PAK3: variants seen among roughly 807,000 people sequenced by gnomAD.
PAK3 encodes the protein p21 (RAC1) activated kinase 3, also known as serine/threonine-protein kinase PAK 3.
PAK3 carries 4 observed loss-of-function variants against 41.0 expected under a neutral mutation model. That is an observed-to-expected ratio of 0.10 (90% CI 0.05 to 0.22). PAK3 has a LOEUF of 0.22. Ranked by LOEUF, PAK3 falls within the 10% of genes least tolerant of loss-of-function variation. PAK3 has a pLI of 1.00. For synonymous variants in PAK3, 146 were observed against 139.6 expected, an observed-to-expected ratio of 1.05 and a Z score of -0.32; for missense variants, 205 against 409.9, an observed-to-expected ratio of 0.50 and a Z score of 4.32.
At chrX:111,093,083 C>A (rs1275927044), upstream of PAK3, among the ~76,000 whole-genome samples, 1 of 111,830 alleles carries the variant, frequency 8.9e-6, no homozygotes, top group Non-Finnish European at 1.9e-5. Flanking sequence ...CAGCGCTTCT[C>A]ACTTCTCATG....
chrX:111,144,288 T>C (rs1396135968), intron 6 of PAK3, among the ~76,000 whole-genome samples: 1 of 112,033 alleles, frequency 8.9e-6, no homozygotes, highest in South Asian at 3.8e-4. Context: ...TACGAATCCA[T>C]TGAATATATA....
At chrX:110,947,827 G>A (rs1388967117) in intron 1 of PAK3, among the ~76,000 whole-genome samples, 1 of 110,938 alleles carries the variant, frequency 9.0e-6, no homozygotes, top group East Asian at 2.8e-4. Flanking sequence ...GGTAAGCTTG[G>A]ATGACTCGCT....
At chrX:111,162,210 A>G (rs2094199356) in intron 8 of PAK3, among the ~76,000 whole-genome samples, 1 of 112,183 alleles carries the variant, frequency 8.9e-6, no homozygotes, top group African/African-American at 3.2e-5. Flanking sequence ...CACTGTATTA[A>G]CATGAGTGAT....
At chrX:111,003,300 G>A (rs1460865415) in intron 1 of PAK3, among the ~76,000 whole-genome samples, 1 of 111,810 alleles carries the variant, frequency 8.9e-6, no homozygotes. Flanking sequence ...CTGCATCAAA[G>A]ATAATGTAGT....
intron 1 of PAK3, among the ~76,000 whole-genome samples, chrX:111,022,894 T>TTA (rs760146975): frequency 0.019 from 2,103 of 108,675 alleles, 43 homozygotes; most frequent in African/African-American, 0.055. Context: ...GCTATTCTTT[T>TTA]TATATATATA....
intron 1 of PAK3, among the ~76,000 whole-genome samples, chrX:110,978,698 CTCTG>C (rs1293530086): frequency 3.9e-5 from 4 of 101,381 alleles, no homozygotes; most frequent in African/African-American, 1.2e-4. Context: ...CTTTCTTTCT[CTCTG>C]TCTCTTTCTT....
chrX:111,048,427 A>G (rs867151447), intron 1 of PAK3, among the ~76,000 whole-genome samples: 13 of 111,493 alleles, frequency 1.2e-4, no homozygotes, highest in Non-Finnish European at 2.4e-4. Flanking sequence ...ACTGAGCTTC[A>G]AACTTATATA....
At chrX:111,024,394 A>G (rs1387324804) in intron 1 of PAK3, among the ~76,000 whole-genome samples, 1 of 111,648 alleles carries the variant, frequency 9.0e-6, no homozygotes, top group East Asian at 2.8e-4. Context: ...TGTGTTCCAT[A>G]TGAAATTTAA....
chrX:111,084,718 T>C (rs1303633034), intron 1 of PAK3, among the ~76,000 whole-genome samples: 1 of 112,410 alleles, frequency 8.9e-6, no homozygotes, highest in Admixed American at 9.4e-5. Flanking sequence ...TTTAACTACA[T>C]TGTCTGACAG....
At chrX:111,139,144 T>C (rs1450321063) in intron 5 of PAK3, among the ~76,000 whole-genome samples, 1 of 111,191 alleles carries the variant, frequency 9.0e-6, no homozygotes. Flanking sequence ...GAGAAGAGGA[T>C]GGATTCAAGA....
intron 1 of PAK3, among the ~76,000 whole-genome samples, chrX:111,073,713 A>G (rs1422079414): frequency 1.8e-5 from 2 of 111,998 alleles, no homozygotes; most frequent in Non-Finnish European, 3.8e-5. Flanking sequence ...AATAAGAAAT[A>G]AATAGTCCCA....
chrX:111,004,974 C>T (rs1480507872), intron 1 of PAK3, among the ~76,000 whole-genome samples: 1 of 112,287 alleles, frequency 8.9e-6, no homozygotes, highest in Non-Finnish European at 1.9e-5. Context: ...TGACTAACTG[C>T]AAAGATGCAT....
intron 8 of PAK3, among the ~76,000 whole-genome samples, chrX:111,161,713 T>C (rs1182066114): frequency 9.2e-6 from 1 of 108,479 alleles, no homozygotes; most frequent in African/African-American, 3.6e-5. Flanking sequence ...GCAAAATTTA[T>C]TAAATAGGGA....
At chrX:111,055,242 A>T in intron 1 of PAK3, among the ~76,000 whole-genome samples, 1 of 111,627 alleles carries the variant, frequency 9.0e-6, no homozygotes, top group Non-Finnish European at 1.9e-5. Flanking sequence ...GAAGGTTTTA[A>T]CTCTGCCTCC....
At chrX:111,028,001 G>GTGTATATATATACATATATA (rs2092294566) in intron 1 of PAK3, among the ~76,000 whole-genome samples, 2 of 96,197 alleles carry the variant, frequency 2.1e-5, no homozygotes, top group Admixed American at 2.4e-4. Flanking sequence ...ATATGTGTGT[G>GTGTATATATATACATATATA]TGTGTATATA....
At chrX:111,056,805 T>C (rs1186375962) in intron 1 of PAK3, among the ~76,000 whole-genome samples, 1 of 111,871 alleles carries the variant, frequency 8.9e-6, no homozygotes, top group Non-Finnish European at 1.9e-5. Flanking sequence ...ACATAGTGAT[T>C]CCGTGAAAGC....
intron 16 of PAK3, among the ~76,000 whole-genome samples, chrX:111,198,624 T>A (rs1468757839): frequency 2.7e-5 from 3 of 111,800 alleles, no homozygotes; most frequent in Non-Finnish European, 5.6e-5. Flanking sequence ...TTGTCAAAAA[T>A]CAGGTGGTTG....
chrX:110,990,027 T>C (rs1038446583), intron 1 of PAK3, among the ~76,000 whole-genome samples: 1 of 111,938 alleles, frequency 8.9e-6, no homozygotes, highest in South Asian at 3.8e-4. Flanking sequence ...ACAAAGTCTT[T>C]ATAGGAATGT....
chrX:111,043,838 G>A (rs1388693068), intron 1 of PAK3, among the ~76,000 whole-genome samples: 1 of 111,107 alleles, frequency 9.0e-6, no homozygotes, highest in African/African-American at 3.3e-5. Flanking sequence ...CCTTCTATTG[G>A]ATCTGGACTA....
Sources: allele counts gnomAD v4.1 joint callset (sites outside exome capture counted in the v4.1 genomes callset), GRCh38; gene constraint gnomAD v4.1.1; transcripts MANE v1.5; gene names NCBI Gene and HGNC (gene_info 2026-07-23, HGNC 2026-07-21).